SBF1: variants seen among roughly 807,000 people sequenced by gnomAD.
SBF1 encodes SET binding factor 1.
In SBF1, 65 loss-of-function variants were observed where a neutral mutation model predicts 215.8. The ratio of observed to expected loss-of-function variants is 0.30; its 90% CI spans 0.25 to 0.37. SBF1 has a LOEUF of 0.37. SBF1 is among the 10% of genes least tolerant of loss of function. The probability of loss-of-function intolerance (pLI) is 1.00; values close to 1 mark genes in which losing one functional copy is unlikely to be tolerated. For missense variants in SBF1, 2,634 were observed against 2,667.8 expected (o/e 0.99, Z 0.28); for synonymous variants, 1,410 against 1,122.8 (o/e 1.26, Z -5.11).
intron 36 of SBF1, among the ~76,000 whole-genome samples, chr22:50,451,913 C>T (rs1230402217): frequency 4.0e-5 from 6 of 151,718 alleles, no homozygotes; most frequent in Non-Finnish European, 5.9e-5. Flanking sequence ...TCTCCTGCCT[C>T]AGCCTCCTGA....
chr22:50,446,995 G>C lies in SBF1; in HGVS notation c.*147C>G. 1 of 766,104 alleles carries C rather than the reference G, an allele frequency of 1.3e-6. No homozygotes were observed. Among genetic ancestry groups the C allele is most frequent in the Admixed American group, 2.1e-5 (1 of 48,264 alleles). 47.5% of individuals were successfully genotyped at this position (766,104 alleles called of 1,614,324 possible). ...AGGGCCGGCCGGGCGGGGCGGGGCGGGGACGGGGGCTGTACACACAAGTGC... is the reference window on the plus strand; with the variant it reads ...AGGGCCGGCCGGGCGGGGCGGGGCGCGGACGGGGGCTGTACACACAAGTGC... On this transcript the variant is annotated 3_prime_UTR_variant, in exon 41 of 41. Coordinates refer to ENST00000380817, the MANE Select transcript of SBF1 (RefSeq NM_002972.4).
Position 50,454,733 on chromosome 22 carries a change from G to A in SBF1, c.4822C>T (p.Pro1608Ser), listed in dbSNP as rs764148193. The change falls in exon 36 of 41, where the codon CCC (proline) becomes TCC (serine). Residue 1608 changes from proline to serine, a missense_variant. By Grantham distance (74) the Pro-to-Ser change is moderately conservative (BLOSUM62 -1). Coordinates refer to ENST00000380817, the MANE Select transcript of SBF1 (RefSeq NM_002972.4). Reference protein sequence around the residue: ...YAPEDAEVLRPYSNVSNLKVW... With the variant: ...YAPEDAEVLRSYSNVSNLKVW... The stretch of plus-strand genomic sequence containing the variant: ...TTCAGGTTGGACACGTTGCTGTAGG[G>A]CCGCAGGACCTGAGGGTGGGCCTGT... The A allele has an allele frequency of 8.9e-6, 14 of 1,574,832 alleles. No individual in the cohort carries two copies. The Admixed American group carries it at 2.5e-4, about 28-fold the overall frequency.
In SBF1 at chr22:50,449,485, G is replaced by C. The variant is rs982429059; in HGVS notation, c.5044-835C>G. 3.3e-5 allele frequency among the ~76,000 whole-genome samples: 5 copies of C among 152,078 alleles called. No homozygotes were observed. In the South Asian group the frequency reaches 1.0e-3, roughly 32 times the overall value. The stretch of plus-strand genomic sequence containing the variant: ...CAAAAATTAGCCGGACGCAGTGGCA[G>C]GCACCAGTAATCCCAACTACTCAGG... On this transcript the variant is annotated intron_variant, in intron 36 of 40. Transcript: ENST00000380817.
rs58188399 is a variant in SBF1, at chr22:50,451,166, CAAAAAAAAAAA to C, written c.5044-2527_5044-2517del. Among the ~76,000 whole-genome samples the C allele has an allele frequency of 4.9e-4, 41 of 83,176 alleles. 1 individual carries two copies. Among genetic ancestry groups the C allele is most frequent in the Non-Finnish European group, 6.2e-4 (29 of 46,690 alleles). The allele number at this position is 83,176 out of a possible 152,430, so 54.6% of individuals were successfully genotyped here. ...GTGACATAGGGAGACCCCATCTCTA[CAAAAAAAAAAA>C]AAAAAAAAAAAAAAAAGTAGCCGGC... On this transcript the variant is annotated intron_variant, in intron 36 of 40. Coordinates refer to ENST00000380817, the MANE Select transcript of SBF1 (RefSeq NM_002972.4).
At chr22:50,471,096 C>T (rs913115338) in intron 1 of SBF1, among the ~76,000 whole-genome samples, 21 of 152,206 alleles carry the variant, frequency 1.4e-4, no homozygotes, top group Non-Finnish European at 2.8e-4. Context: ...CCTCAGAATA[C>T]ACAGGAGGGA....
chr22:50,458,725 G>A (rs2067367571), intron 28 of SBF1, among the ~76,000 whole-genome samples: 1 of 152,198 alleles, frequency 6.6e-6, no homozygotes, highest in South Asian at 2.1e-4. Flanking sequence ...GTGGCGGTGG[G>A]GACAGAGACA....
Position 50,467,838 on chromosome 22 carries a change from T to A in SBF1, c.227A>T (p.Glu76Val). 1 of 1,613,860 alleles carries A rather than the reference T, an allele frequency of 6.2e-7. No individual in the cohort carries two copies. The highest frequency in any genetic ancestry group is 8.5e-7 in the Non-Finnish European group (1 of 1,179,948). Residue 76 changes from glutamate to valine, a missense_variant, in exon 3 of 41, where the codon GAG (glutamate) becomes GTG (valine). Glu to Val is a moderately radical substitution (Grantham distance 121, BLOSUM62 -2). Transcript: ENST00000380817. ...GGTCAAGCAGGCGCAGTAGTGGCGCTCGGAGTTGATGTCGGTGAGGACAGC... is the reference window on the plus strand; with the variant it reads ...GGTCAAGCAGGCGCAGTAGTGGCGCACGGAGTTGATGTCGGTGAGGACAGC... ...FVAVLTDINS[E>V]RHYCACLTFW...
intron 37 of SBF1, 42 bp downstream of exon 37, chr22:50,448,501 G>T (rs760809601): frequency 6.2e-7 from 1 of 1,608,590 alleles, no homozygotes; most frequent in Non-Finnish European, 8.5e-7. Flanking sequence ...CTTTCTCCCA[G>T]CAACACGCCC....
rs1431191421 is a variant in SBF1 at position 50,462,323 on chromosome 22, A to G, written c.2278T>C (p.Tyr760His). Reference sequence around the variant, plus strand: ...AGGAGGTAGCTCATGCGGTTGGCATAGTGGATGGCCTGGCTGAACACCGTG... The same window carrying G: ...AGGAGGTAGCTCATGCGGTTGGCATGGTGGATGGCCTGGCTGAACACCGTG... ...ESTVFSQAIHYANRMSYLLLP... is the reference protein window; with the variant it reads ...ESTVFSQAIHHANRMSYLLLP... The change falls in exon 19 of 41, where the codon TAT becomes CAT. Residue 760 changes from tyrosine (Y) to histidine (H), a missense_variant. Transcript: ENST00000380817. The G allele has an allele frequency of 1.2e-6, 2 of 1,613,942 alleles. No homozygotes were observed. Among genetic ancestry groups the G allele is most frequent in the Non-Finnish European group, 1.7e-6 (2 of 1,180,024 alleles).
rs2067166944 is a variant in SBF1, at chr22:50,454,459, TGAGC to T, written c.5043+49_5043+52del. ...CACACACACGCACGACCCTGGTGTC[TGAGC>T]GAGAGGAGGGGGGTGCCAGGCCAGA... is the stretch of plus-strand genomic sequence containing the variant. On this transcript the variant is annotated intron_variant, in intron 36 of 40. Coordinates refer to ENST00000380817, the MANE Select transcript of SBF1 (RefSeq NM_002972.4). 16 of 1,484,798 alleles carry T rather than the reference TGAGC, an allele frequency of 1.1e-5. No homozygotes were observed. The South Asian group carries it at 1.5e-4, about 14-fold the overall frequency. 92.0% of individuals were successfully genotyped at this position (1,484,798 alleles called of 1,614,324 possible).
chr22:50,447,154 C>T lies in SBF1; in HGVS notation c.5670G>A (p.Leu1890=). The T allele has an allele frequency of 6.2e-7, 1 of 1,612,524 alleles. No homozygotes were observed. Among genetic ancestry groups the T allele is most frequent in the Non-Finnish European group, 8.5e-7 (1 of 1,179,718 alleles). The stretch of plus-strand genomic sequence containing the variant: ...AGGGCTGGGAGGCTCAGGCGTCCGA[C>T]AGGCAGCTCTGGATCCGGTCCACCC... ...QQWVDRIQSC[L]SDA Residue 1890 remains leucine, a synonymous_variant, in exon 41 of 41, where the codon CTG becomes CTA. Coordinates refer to ENST00000380817, the MANE Select transcript of SBF1 (RefSeq NM_002972.4).
At chr22:50,449,540 A>G (rs577165657) in intron 36 of SBF1, among the ~76,000 whole-genome samples, 20 of 150,126 alleles carry the variant, frequency 1.3e-4, no homozygotes, top group African/African-American at 4.9e-4. Context: ...ACTTAAACTC[A>G]GGGGGCGGAA....
At chr22:50,456,053 C>G in intron 31 of SBF1, 163 bp downstream of exon 31, 1 of 755,114 alleles carries the variant, frequency 1.3e-6, no homozygotes, top group South Asian at 1.9e-5. Context: ...CCCAGCCTCC[C>G]AGCTGCCTTC....
At chr22:50,452,742 A>C (rs949841453) in intron 36 of SBF1, among the ~76,000 whole-genome samples, 1 of 150,934 alleles carries the variant, frequency 6.6e-6, no homozygotes, top group Non-Finnish European at 1.5e-5. Context: ...AAAAAAAAAA[A>C]AAAAAAAAAC....
chr22:50,447,072 G>A lies in SBF1; in HGVS notation c.*70C>T, dbSNP rs965806150. Reference sequence around the variant, plus strand: ...GAGGGCCGGGGCTGTAAACATGGCCGGGGCGGCCCTGCCCACCCCTAGTGG... The same window carrying A: ...GAGGGCCGGGGCTGTAAACATGGCCAGGGCGGCCCTGCCCACCCCTAGTGG... On this transcript the variant is annotated 3_prime_UTR_variant, in exon 41 of 41. Transcript: ENST00000380817. The A allele has an allele frequency of 6.1e-5, 85 of 1,389,940 alleles. No individual in the cohort carries two copies. Among genetic ancestry groups the A allele is most frequent in the Non-Finnish European group, 7.3e-5 (73 of 1,003,966 alleles). The allele number at this position is 1,389,940 out of a possible 1,614,324, so 86.1% of individuals were successfully genotyped here. A position where few individuals can be genotyped will look rare whatever the true frequency, so the allele number is the denominator to read the frequency against.
intron 31 of SBF1, 57 bp downstream of exon 31, chr22:50,456,159 T>G (rs994886237): frequency 1.1e-5 from 17 of 1,571,396 alleles, no homozygotes; most frequent in Non-Finnish European, 1.4e-5. Flanking sequence ...CACTTGGCTC[T>G]ACCCAAGGGG....
At chr22:50,457,192 G>A (rs560935923) in intron 28 of SBF1, 81 bp from the exon 29 acceptor site, 233 of 1,183,978 alleles carry the variant, frequency 2.0e-4, no homozygotes, top group Admixed American at 7.5e-4. Context: ...CAGGTCAGAG[G>A]GTTCCACCAA....
rs779702894 is a variant in SBF1 at position 50,459,419 on chromosome 22, G to C, written c.3689-27C>G. 22 of 1,611,812 alleles carry C rather than the reference G, an allele frequency of 1.4e-5. No homozygotes were observed. The Admixed American group carries it at 3.7e-4, about 27-fold the overall frequency. Reference sequence around the variant, plus strand: ...TGGGGGAGGACACGGAGCTGAGGGAGGGGAGGGTGAGATAGGGCAGGGCAG... The same window carrying C: ...TGGGGGAGGACACGGAGCTGAGGGACGGGAGGGTGAGATAGGGCAGGGCAG... On this transcript the variant is annotated intron_variant, in intron 27 of 40. Transcript: ENST00000380817.
At chr22:50,467,315 T>C in intron 5 of SBF1, 23 bp downstream of exon 5, 1 of 1,599,822 alleles carries the variant, frequency 6.3e-7, no homozygotes, top group South Asian at 1.1e-5. Context: ...GCTGTGCAGA[T>C]ACCAGCTGCC....
Sources: allele counts gnomAD v4.1 joint callset (sites outside exome capture counted in the v4.1 genomes callset), GRCh38; gene constraint gnomAD v4.1.1; transcripts MANE v1.5; gene names NCBI Gene and HGNC (gene_info 2026-07-23, HGNC 2026-07-21).